The following PDE1C variants were observed in gnomAD, a reference collection of about 807,000 sequenced individuals.
PDE1C encodes the protein phosphodiesterase 1C, also known as dual specificity calcium/calmodulin-dependent 3',5'-cyclic nucleotide phosphodiesterase 1C.
Under a neutral mutation model 93.1 loss-of-function variants are expected in PDE1C, and 62 were observed. That is an observed-to-expected ratio of 0.67 (90% confidence interval 0.54 to 0.82). The LOEUF is 0.82. Ranked by LOEUF, PDE1C falls within the 40% of genes least tolerant of loss-of-function variation. The probability of loss-of-function intolerance (pLI) is 0.00; values close to 1 mark genes in which losing one functional copy is unlikely to be tolerated. For synonymous variants in PDE1C, 325 were observed against 310.1 expected (o/e 1.05, Z -0.50); for missense variants, 742 against 884.6 (o/e 0.84, Z 2.04).
intron 2 of PDE1C, among the ~76,000 whole-genome samples, chr7:32,049,785 C>T (rs1200510387): frequency 2.0e-5 from 3 of 152,002 alleles, no homozygotes; most frequent in East Asian, 3.9e-4. Flanking sequence ...GAATTGTGGG[C>T]TTCAAATGCT....
chr7:32,079,441 T>TA (rs1796534138), intron 3 of PDE1C, among the ~76,000 whole-genome samples: 1 of 152,248 alleles, frequency 6.6e-6, no homozygotes, highest in Admixed American at 6.5e-5. Flanking sequence ...TATTGCTGTG[T>TA]AACAAACTAT....
At chr7:31,701,182 A>G in the PDE1C span, among the ~76,000 whole-genome samples, 1 of 152,352 alleles carries the variant, frequency 6.6e-6, no homozygotes, top group Admixed American at 6.5e-5. Context: ...GGTATTCTAG[A>G]TGCCATTAAG....
chr7:32,089,635 T>C (rs1233204529), intron 3 of PDE1C, among the ~76,000 whole-genome samples: 2 of 152,150 alleles, frequency 1.3e-5, no homozygotes, highest in Non-Finnish European at 2.9e-5. Context: ...AATCATTCAT[T>C]TGAGGGTCTG....
At chr7:32,001,628 T>C (rs916070104) in intron 2 of PDE1C, among the ~76,000 whole-genome samples, 1 of 152,040 alleles carries the variant, frequency 6.6e-6, no homozygotes, top group African/African-American at 2.4e-5. Context: ...ACCCCATCAT[T>C]GAGGGAGTAA....
intron 3 of PDE1C, among the ~76,000 whole-genome samples, chr7:32,133,173 CATAT>C (rs1470721874): frequency 1.3e-5 from 2 of 152,176 alleles, no homozygotes; most frequent in East Asian, 3.9e-4. Context: ...CAGTCATGGA[CATAT>C]ATACAGCGTT....
chr7:31,939,426 T>C (rs1805530916), intron 2 of PDE1C, among the ~76,000 whole-genome samples: 1 of 152,162 alleles, frequency 6.6e-6, no homozygotes, highest in Admixed American at 6.6e-5. Flanking sequence ...TGCCTTTGTT[T>C]TTAATATTTA....
chr7:31,966,220 C>T (rs9632602), intron 2 of PDE1C, among the ~76,000 whole-genome samples: 3,898 of 152,174 alleles, frequency 0.026, 161 homozygotes, highest in African/African-American at 0.085. Flanking sequence ...ACCCATCTCA[C>T]GTGCAGAGAC....
the PDE1C span, among the ~76,000 whole-genome samples, chr7:31,705,754 A>T: frequency 6.6e-6 from 1 of 151,988 alleles, no homozygotes; most frequent in South Asian, 2.1e-4. Flanking sequence ...GCGTCTCATT[A>T]TGAGAAGGAA....
At chr7:31,883,913 T>G (rs148456004) in intron 2 of PDE1C, among the ~76,000 whole-genome samples, 1 of 152,360 alleles carries the variant, frequency 6.6e-6, no homozygotes, top group Non-Finnish European at 1.5e-5. Context: ...GCAGTCACAT[T>G]TATGCATTCA....
intron 2 of PDE1C, among the ~76,000 whole-genome samples, chr7:31,993,364 A>G (rs1460980025): frequency 1.3e-5 from 2 of 152,172 alleles, no homozygotes; most frequent in Admixed American, 6.5e-5. Context: ...TCAAAGTCCA[A>G]GCTTGACTGG....
At position 31,898,790 on chromosome 7, in the gene PDE1C, T is replaced by C. The variant is rs571007775; in HGVS notation, c.129-17930A>G. Among the ~76,000 whole-genome samples the C allele has an allele frequency of 2.6e-5, 4 of 152,344 alleles. No homozygotes were observed. In the South Asian group the frequency reaches 8.3e-4, roughly 32 times the overall value. On this transcript the variant is annotated intron_variant, in intron 2 of 17. Transcript: ENST00000396191. ...ACCTCTCCCAGTAATCACAGAAACC[T>C]GGTAAGACTGTTTGGAAGGCAATGG...
At chr7:32,297,328 C>G (rs1812652307) in intron 1 of PDE1C, among the ~76,000 whole-genome samples, 1 of 152,120 alleles carries the variant, frequency 6.6e-6, no homozygotes, top group Admixed American at 6.5e-5. Context: ...GCAAAATAAT[C>G]TACCCCCTCA....
At chr7:31,815,857 ACCAG>A in intron 15 of PDE1C, 63 bp downstream of exon 15, 1 of 1,200,118 alleles carries the variant, frequency 8.3e-7, no homozygotes, top group South Asian at 1.2e-5. Context: ...AGGGTTGTTC[ACCAG>A]TTTCCATTCA....
chr7:31,993,616 G>A (rs980899726), intron 2 of PDE1C, among the ~76,000 whole-genome samples: 1 of 152,178 alleles, frequency 6.6e-6, no homozygotes, highest in Non-Finnish European at 1.5e-5. Flanking sequence ...AAGAAATTTT[G>A]AACTGGGGAG....
At chr7:31,951,655 C>T (rs191528241) in intron 2 of PDE1C, among the ~76,000 whole-genome samples, 4 of 152,296 alleles carry the variant, frequency 2.6e-5, no homozygotes, top group African/African-American at 7.2e-5. Flanking sequence ...TTCCTTTATC[C>T]GGCATTCTCT....
In PDE1C at chr7:32,361,161, TG is replaced by T. The variant is rs564295083; in HGVS notation, c.310+66660del. ...CATAGCTTTGTACAGTTGGGGAAGC[TG>T]GGGTGAAGCCAACTGCGCAGGTTCT... On this transcript the variant is annotated intron_variant, in intron 1 of 1. Coordinates refer to the PDE1C transcript ENST00000672256. Among the ~76,000 whole-genome samples, 604 of 152,260 alleles carry T rather than the reference TG, an allele frequency of 4.0e-3. 5 individuals are homozygous for T. The highest frequency in any genetic ancestry group is 0.014 in the African/African-American group (566 of 41,542).
the PDE1C span, among the ~76,000 whole-genome samples, chr7:31,644,145 T>A: frequency 9.8e-5 from 15 of 152,316 alleles, no homozygotes; most frequent in African/African-American, 3.6e-4. Flanking sequence ...ATACTTCCAA[T>A]CAATCACCTT....
intron 3 of PDE1C, among the ~76,000 whole-genome samples, chr7:32,142,851 G>A (rs928382899): frequency 6.6e-6 from 1 of 151,834 alleles, no homozygotes; most frequent in Non-Finnish European, 1.5e-5. Flanking sequence ...AGACTTGAGG[G>A]CTATCTGGCA....
intron 1 of PDE1C, among the ~76,000 whole-genome samples, chr7:32,311,707 C>T (rs925117855): frequency 1.3e-5 from 2 of 152,000 alleles, no homozygotes; most frequent in African/African-American, 2.4e-5. Context: ...TTCAACAACC[C>T]TTCATGCTAA....
Sources: gnomAD v4.1 joint callset for allele counts (sites outside exome capture counted in the v4.1 genomes callset) on GRCh38, gnomAD v4.1.1 for gene constraint, MANE v1.5 for transcripts, NCBI Gene and HGNC (gene_info 2026-07-23, HGNC 2026-07-21) for gene names.